CDYL2: variants seen among roughly 807,000 people sequenced by gnomAD.
CDYL2 encodes the protein chromodomain Y-like protein 2.
In CDYL2, 23 loss-of-function variants were observed where a neutral mutation model predicts 49.4. The ratio of observed to expected loss-of-function variants is 0.47; its 90% confidence interval spans 0.34 to 0.66. The LOEUF (loss-of-function observed/expected upper bound fraction) is 0.66. Ranked by LOEUF, CDYL2 falls within the 30% of genes least tolerant of loss-of-function variation. The pLI, the probability that CDYL2 is intolerant of heterozygous loss-of-function variation, is 0.01. For synonymous variants in CDYL2, 360 were observed against 268.8 expected (o/e 1.34, Z -3.32); for missense variants, 678 against 656.4 (o/e 1.03, Z -0.36).
chr16:80,634,795 C>T (rs969375823), intron 2 of CDYL2, among the ~76,000 whole-genome samples: 1 of 151,640 alleles, frequency 6.6e-6, no homozygotes, highest in East Asian at 1.9e-4. Flanking sequence ...CTGAATAGGG[C>T]TATAAAAAAA....
intron 1 of CDYL2, among the ~76,000 whole-genome samples, chr16:80,709,470 T>C (rs1456267945): frequency 6.6e-6 from 1 of 152,052 alleles, no homozygotes; most frequent in Non-Finnish European, 1.5e-5. Flanking sequence ...TTTTGCATTT[T>C]CTTGTGCACA....
intron 1 of CDYL2, among the ~76,000 whole-genome samples, chr16:80,796,307 T>C (rs1418614269): frequency 1.3e-5 from 2 of 152,296 alleles, no homozygotes; most frequent in Admixed American, 6.5e-5. Context: ...AGTCAACTGA[T>C]TATGAACTGT....
intron 1 of CDYL2, among the ~76,000 whole-genome samples, chr16:80,753,192 A>G (rs1334952454): frequency 6.6e-6 from 1 of 152,162 alleles, no homozygotes; most frequent in African/African-American, 2.4e-5. Flanking sequence ...ATGGTCAATA[A>G]TTTATTAGAA....
chr16:80,699,063 G>C (rs1366654077), intron 1 of CDYL2, among the ~76,000 whole-genome samples: 1 of 152,118 alleles, frequency 6.6e-6, no homozygotes, highest in Non-Finnish European at 1.5e-5. Flanking sequence ...CTGTTGGTGG[G>C]AATGTAAATT....
chr16:80,801,211 T>C (rs1907917443), intron 1 of CDYL2, among the ~76,000 whole-genome samples: 2 of 152,190 alleles, frequency 1.3e-5, no homozygotes, highest in African/African-American at 2.4e-5. Flanking sequence ...CACCTTCCTA[T>C]AAGTGATGGC....
rs537779518 is a variant in CDYL2, at chr16:80,768,139, A to G, written c.24+36011T>C. On this transcript the variant is annotated intron_variant, in intron 1 of 6. Transcript: ENST00000570137. ...AAACAGTTTGAACCCTAGCCTGATG[A>G]CTTCACAGCCCATGTTCTTAGTAAG... is the stretch of plus-strand genomic sequence containing the variant. Among the ~76,000 whole-genome samples the G allele has an allele frequency of 2.0e-5, 3 of 152,280 alleles. No homozygotes were observed. In the South Asian group the frequency reaches 6.2e-4, roughly 32 times the overall value.
At chr16:80,687,106 G>T (rs1910225781) in intron 1 of CDYL2, among the ~76,000 whole-genome samples, 1 of 152,180 alleles carries the variant, frequency 6.6e-6, no homozygotes, top group South Asian at 2.1e-4. Flanking sequence ...GAACATTGTA[G>T]GGAGAAACTC....
Position 80,684,983 on chromosome 16 carries a change from C to T in CDYL2, c.171G>A (p.Gly57=), listed in dbSNP as rs771463570. 23 of 1,613,986 alleles carry T rather than the reference C, an allele frequency of 1.4e-5. No individual in the cohort carries two copies. Among genetic ancestry groups the T allele is most frequent in the South Asian group, 1.2e-4 (11 of 91,072 alleles). Residue 57 remains glycine, a synonymous_variant, in exon 2 of 7, where the codon GGG becomes GGA. Transcript: ENST00000570137. ...TCCTCTTGTCCTTGGACATGTGCAA[C>T]CCATTGAATTCATCAATAAACTCCT... ...HCEEFIDEFN[G]LHMSKDKRIK...
chr16:80,693,823 C>T (rs370640925), intron 1 of CDYL2, among the ~76,000 whole-genome samples: 37 of 151,992 alleles, frequency 2.4e-4, no homozygotes, highest in African/African-American at 8.0e-4. Context: ...CTTTTCTGTA[C>T]GCACTTTTAA....
At chr16:80,802,046 G>T (rs1410685855) in intron 1 of CDYL2, among the ~76,000 whole-genome samples, 1 of 151,924 alleles carries the variant, frequency 6.6e-6, no homozygotes, top group Non-Finnish European at 1.5e-5. Context: ...CTCCTTAACT[G>T]AAATTCTATA....
At chr16:80,633,337 G>T in intron 2 of CDYL2, 101 bp from the exon 3 acceptor site, 3 of 1,191,222 alleles carry the variant, frequency 2.5e-6, no homozygotes, top group South Asian at 1.4e-5. Context: ...AGGTTTGGAT[G>T]TGCTGGGACA....
intron 1 of CDYL2, among the ~76,000 whole-genome samples, chr16:80,725,861 T>A (rs988526775): frequency 1.3e-5 from 2 of 152,184 alleles, no homozygotes; most frequent in African/African-American, 2.4e-5. Flanking sequence ...AAATTCTCAC[T>A]TGTTACAAAA....
intron 1 of CDYL2, among the ~76,000 whole-genome samples, chr16:80,788,076 T>A: frequency 6.6e-6 from 1 of 151,802 alleles, no homozygotes; most frequent in East Asian, 1.9e-4. Context: ...GCAAGCACCA[T>A]GCCAAATGAA....
rs777732578 is a variant in CDYL2 at position 80,796,756 on chromosome 16, C to T, written c.24+7394G>A. On this transcript the variant is annotated intron_variant, in intron 1 of 6. Coordinates refer to ENST00000570137, the MANE Select transcript of CDYL2 (RefSeq NM_152342.4). ...GGATATCACATTCACTTTCTTTTTA[C>T]TATCATGCCCAAGACTCTTAGAAGA... Among the ~76,000 whole-genome samples, 7 of 152,304 alleles carry T rather than the reference C, an allele frequency of 4.6e-5. No homozygotes were observed. The East Asian group carries it at 9.7e-4, about 21-fold the overall frequency.
intron 2 of CDYL2, among the ~76,000 whole-genome samples, chr16:80,678,195 G>A (rs1346143916): frequency 6.6e-6 from 1 of 152,176 alleles, no homozygotes; most frequent in Non-Finnish European, 1.5e-5. Context: ...CAGGACATAG[G>A]CACGGGCAAG....
At chr16:80,798,652 T>C (rs1489070783) in intron 1 of CDYL2, among the ~76,000 whole-genome samples, 2 of 152,196 alleles carry the variant, frequency 1.3e-5, no homozygotes, top group Middle Eastern at 3.2e-3. Context: ...CAGTCAACAG[T>C]ATGCTACTAG....
Position 80,612,978 on chromosome 16 carries a change from G to T in CDYL2, c.1008-142C>A. ...TGCCAGGCAAGGGCCTCATTGCCTG[G>T]ACATGGAACCACCAGCTGTCAGATT... On this transcript the variant is annotated intron_variant, in intron 4 of 6. Coordinates refer to ENST00000570137, the MANE Select transcript of CDYL2 (RefSeq NM_152342.4). This position sits in a 1 kb window ranked among gnomAD's most constrained non-coding sequence, Gnocchi z 5.0. 1.5e-6 allele frequency: 1 copy of T among 673,676 alleles called. No individual in the cohort carries two copies. Among genetic ancestry groups the T allele is most frequent in the Non-Finnish European group, 2.4e-6 (1 of 410,488 alleles). The allele number at this position is 673,676 out of a possible 1,614,324, so 41.7% of individuals were successfully genotyped here.
intron 2 of CDYL2, among the ~76,000 whole-genome samples, chr16:80,640,896 T>C (rs775977937): frequency 5.5e-4 from 83 of 151,880 alleles, no homozygotes; most frequent in Non-Finnish European, 9.4e-4. Context: ...TGAAAATATA[T>C]AGTCAGAGGA....
chr16:80,636,705 A>G (rs1235574220), intron 2 of CDYL2, among the ~76,000 whole-genome samples: 1 of 152,232 alleles, frequency 6.6e-6, no homozygotes, highest in African/African-American at 2.4e-5. Context: ...CATCCTGGGT[A>G]TATACCCAAA....
Sources: gnomAD v4.1 joint callset for allele counts (sites outside exome capture counted in the v4.1 genomes callset) on GRCh38, gnomAD v4.1.1 for gene constraint, Gnocchi (gnomAD v3.1) non-coding constraint, MANE v1.5 for transcripts, NCBI Gene and HGNC (gene_info 2026-07-23, HGNC 2026-07-21) for gene names.